The following STAB2 variants were observed in gnomAD, a reference collection of about 807,000 sequenced individuals.
STAB2 encodes the protein stabilin-2.
STAB2 carries 288 observed loss-of-function variants against 338.1 expected under a neutral mutation model. That is an observed-to-expected ratio of 0.85 (90% CI 0.77 to 0.94). STAB2 has a LOEUF of 0.94. Ranked by LOEUF, STAB2 falls within the 40% of genes least tolerant of loss-of-function variation. The pLI, the probability that STAB2 is intolerant of heterozygous loss-of-function variation, is 0.00. For missense variants in STAB2, 3,141 were observed against 3,210.1 expected (o/e 0.98, Z 0.52); for synonymous variants, 1,202 against 1,193.3 (o/e 1.01, Z -0.15).
chr12:103,660,691 G>A lies in STAB2; in HGVS notation c.1797G>A (p.Val599=). 1.2e-6 allele frequency: 2 copies of A among 1,613,964 alleles called. No homozygotes were observed. The highest frequency in any genetic ancestry group is 8.5e-7 in the Non-Finnish European group (1 of 1,179,986). ...YHIVPFTQLE[V]ATLISTPHIR... ...TTCTCTTCTTATTGCAGCTTGAAGT[G>A]GCCACTCTCATCTCCACCCCTCACA... The change falls in exon 17 of 69, where the codon GTG becomes GTA. Residue 599 remains valine, a synonymous_variant. Coordinates refer to ENST00000388887, the MANE Select transcript of STAB2 (RefSeq NM_017564.10).
chr12:103,721,478 A>G (rs576835709), intron 44 of STAB2, among the ~76,000 whole-genome samples: 1 of 152,326 alleles, frequency 6.6e-6, no homozygotes, highest in African/African-American at 2.4e-5. Flanking sequence ...TGTGGAGCTT[A>G]TATTTTTTTC....
At chr12:103,638,609 G>A (rs1487867498) in intron 8 of STAB2, among the ~76,000 whole-genome samples, 1 of 152,220 alleles carries the variant, frequency 6.6e-6, no homozygotes, top group Non-Finnish European at 1.5e-5. Context: ...AAAATACCCT[G>A]TTCCAAACGA....
intron 11 of STAB2, 100 bp from the exon 12 acceptor site, chr12:103,652,456 G>A: frequency 1.8e-6 from 2 of 1,136,508 alleles, no homozygotes; most frequent in Non-Finnish European, 2.4e-6. Context: ...AAGTTAGGGT[G>A]CCCTGGCTTT....
intron 1 of STAB2, among the ~76,000 whole-genome samples, chr12:103,587,951 A>G (rs17034140): frequency 0.079 from 11,987 of 152,218 alleles, 540 homozygotes; most frequent in East Asian, 0.13. Context: ...TGGATATCTC[A>G]CTAAGGAACA....
At chr12:103,727,121 G>A in intron 46 of STAB2, 146 bp from the exon 47 acceptor site, 1 of 753,976 alleles carries the variant, frequency 1.3e-6, no homozygotes. Flanking sequence ...GAGAATCTGG[G>A]TTTCATTTGA....
At chr12:103,692,748 A>G (rs571781377) in intron 30 of STAB2, 64 bp from the exon 31 acceptor site, 50 of 1,362,918 alleles carry the variant, frequency 3.7e-5, no homozygotes, top group Non-Finnish European at 4.8e-5. Context: ...AACCCCAGAG[A>G]TCATCTCAAT....
At chr12:103,660,228 G>C (rs1448881982) in intron 15 of STAB2, 103 bp from the exon 16 acceptor site, 30 of 1,211,730 alleles carry the variant, frequency 2.5e-5, no homozygotes, top group Non-Finnish European at 3.7e-5. Flanking sequence ...ATAGATTATG[G>C]GTCATTTTTC....
At chr12:103,643,474 T>G (rs928122004) in intron 9 of STAB2, among the ~76,000 whole-genome samples, 1 of 152,092 alleles carries the variant, frequency 6.6e-6, no homozygotes, top group African/African-American at 2.4e-5. Context: ...AGCCTAAGTA[T>G]CTCCACCTCT....
chr12:103,704,048 TG>T (rs752651728), intron 35 of STAB2, among the ~76,000 whole-genome samples: 38 of 152,348 alleles, frequency 2.5e-4, no homozygotes, highest in Middle Eastern at 3.4e-3. Context: ...TTATCCTGTC[TG>T]GTAGGCTTAA....
At position 103,685,422 on chromosome 12, in the gene STAB2, CTGTGTG is replaced by C. The variant is rs141365936; in HGVS notation, c.2997+365_2997+370del. Reference sequence around the variant, plus strand: ...CTGGGCTACCCTTTGCTTACCCATGCTGTGTGTGTGTGTGTGTGTGTGTGTGTGTGT... The same window carrying C: ...CTGGGCTACCCTTTGCTTACCCATGCTGTGTGTGTGTGTGTGTGTGTGTGT... On this transcript the variant is annotated intron_variant, in intron 27 of 68. Transcript: ENST00000388887. 2.2e-3 allele frequency among the ~76,000 whole-genome samples: 318 copies of C among 145,902 alleles called. 2 individuals are homozygous for C. The highest frequency in any genetic ancestry group is 3.5e-3 in the Non-Finnish European group (230 of 66,090).
intron 3 of STAB2, among the ~76,000 whole-genome samples, chr12:103,618,243 T>A (rs1379911149): frequency 6.6e-6 from 1 of 152,158 alleles, no homozygotes; most frequent in Non-Finnish European, 1.5e-5. Context: ...AGGGCCCTTA[T>A]GGATGGGATT....
chr12:103,641,952 C>T (rs1263031267), intron 9 of STAB2, among the ~76,000 whole-genome samples: 1 of 152,160 alleles, frequency 6.6e-6, no homozygotes, highest in Non-Finnish European at 1.5e-5. Context: ...TTCATTTATG[C>T]CTTCTCAATA....
chr12:103,733,309 G>A, intron 51 of STAB2, 127 bp downstream of exon 51: 1 of 1,087,304 alleles, frequency 9.2e-7, no homozygotes, highest in Non-Finnish European at 1.4e-6. Context: ...GGAAGCCACA[G>A]CATCCCCTGC....
intron 15 of STAB2, 27 bp downstream of exon 15, chr12:103,655,608 C>G: frequency 6.2e-7 from 1 of 1,612,022 alleles, no homozygotes; most frequent in Non-Finnish European, 8.5e-7. Flanking sequence ...GCTCTGATGG[C>G]ATCGTGTCAG....
intron 27 of STAB2, among the ~76,000 whole-genome samples, 161 bp downstream of exon 27, chr12:103,685,245 GT>G (rs1289290812): frequency 6.6e-6 from 1 of 152,154 alleles, no homozygotes; most frequent in Non-Finnish European, 1.5e-5. Context: ...TGTGGGTCAC[GT>G]TTTCTACAGG....
intron 9 of STAB2, among the ~76,000 whole-genome samples, chr12:103,641,060 T>TACC (rs1368139636): frequency 6.6e-6 from 1 of 152,236 alleles, no homozygotes; most frequent in Admixed American, 6.5e-5. Flanking sequence ...CAATTCTCGC[T>TACC]ACCATCAGCA....
At chr12:103,762,739 A>G (rs1050131826) in intron 67 of STAB2, among the ~76,000 whole-genome samples, 2 of 152,168 alleles carry the variant, frequency 1.3e-5, no homozygotes, top group African/African-American at 4.8e-5. Context: ...TTCACTGCAC[A>G]AGCACACCCC....
At chr12:103,628,938 A>C (rs1280003460) in intron 5 of STAB2, among the ~76,000 whole-genome samples, 1 of 152,234 alleles carries the variant, frequency 6.6e-6, no homozygotes, top group African/African-American at 2.4e-5. Context: ...CTGCACTTGC[A>C]CAACCCTGTT....
intron 51 of STAB2, among the ~76,000 whole-genome samples, chr12:103,734,090 G>T (rs1228092653): frequency 6.9e-6 from 1 of 144,122 alleles, no homozygotes; most frequent in Non-Finnish European, 1.5e-5. Flanking sequence ...TCACATGGGA[G>T]CATGCAGTCT....
Sources: allele counts gnomAD v4.1 joint callset (sites outside exome capture counted in the v4.1 genomes callset), GRCh38; gene constraint gnomAD v4.1.1; transcripts MANE v1.5; gene names NCBI Gene and HGNC (gene_info 2026-07-23, HGNC 2026-07-21).